IQGAP2: variants seen among roughly 807,000 people sequenced by gnomAD.
IQGAP2 encodes IQ motif containing GTPase activating protein 2, also known as ras GTPase-activating-like protein IQGAP2.
A neutral mutation model predicts 201.3 loss-of-function variants in IQGAP2; 173 were observed. The ratio of observed to expected loss-of-function variants is 0.86; its 90% CI spans 0.76 to 0.98. IQGAP2 has a LOEUF of 0.98. IQGAP2 is among the 50% of genes least tolerant of loss of function. IQGAP2 has a pLI of 0.00. For synonymous variants in IQGAP2, 675 were observed against 673.9 expected, an observed-to-expected ratio of 1.00 and a Z score of -0.03; for missense variants, 1,687 against 1,864.8, an observed-to-expected ratio of 0.90 and a Z score of 1.76.
chr5:76,552,261 A>C (rs1016096684), intron 2 of IQGAP2, among the ~76,000 whole-genome samples: 1 of 152,112 alleles, frequency 6.6e-6, no homozygotes, highest in Admixed American at 6.5e-5. Context: ...CCCCGTCTCT[A>C]TTCCTGGCTT....
chr5:76,464,861 A>G (rs769696542), intron 2 of IQGAP2, among the ~76,000 whole-genome samples: 2 of 152,186 alleles, frequency 1.3e-5, no homozygotes, highest in African/African-American at 2.4e-5. Context: ...AACTGACTCA[A>G]TAAGAGACTT....
intron 4 of IQGAP2, 69 bp downstream of exon 4, chr5:76,570,726 GC>G (rs1170117188): frequency 9.6e-7 from 1 of 1,039,166 alleles, no homozygotes; most frequent in African/African-American, 1.6e-5. Context: ...CTCTTTATGA[GC>G]AATGACTTTG....
intron 22 of IQGAP2, among the ~76,000 whole-genome samples, chr5:76,666,233 A>G (rs1743746554): frequency 1.3e-5 from 2 of 152,320 alleles, no homozygotes; most frequent in East Asian, 3.9e-4. Context: ...GAAAAGGTTA[A>G]CAGTACTTAG....
intron 1 of IQGAP2, among the ~76,000 whole-genome samples, chr5:76,413,782 A>G: frequency 6.6e-6 from 1 of 152,336 alleles, no homozygotes; most frequent in African/African-American, 2.4e-5. Context: ...CTGAGGGTTT[A>G]TAATGCTATC....
At chr5:76,544,791 G>C (rs1405574178) in intron 2 of IQGAP2, among the ~76,000 whole-genome samples, 4 of 152,076 alleles carry the variant, frequency 2.6e-5, no homozygotes, top group Non-Finnish European at 5.9e-5. Flanking sequence ...CCTTCCCAAA[G>C]GTAAACATTA....
intron 16 of IQGAP2, 45 bp downstream of exon 16, chr5:76,637,221 A>G: frequency 6.9e-7 from 1 of 1,453,766 alleles, no homozygotes; most frequent in Non-Finnish European, 9.3e-7. Flanking sequence ...TATAAAGTTA[A>G]ATTTGACTGG....
At position 76,609,105 on chromosome 5, in the gene IQGAP2, A is replaced by G. The variant is rs996470574; in HGVS notation, c.1358-1915A>G. 12 of 1,535,502 alleles carry G rather than the reference A, an allele frequency of 7.8e-6. No individual in the cohort carries two copies. The African/African-American group carries it at 1.5e-4, about 19-fold the overall frequency. On this transcript the variant is annotated intron_variant, in intron 12 of 35. Transcript: ENST00000274364. ...ATTCACTATGACCTCAGCAGCTTGTATTCTTAGAAACGCAGCAGACAGCAA... is the reference window on the plus strand; with the variant it reads ...ATTCACTATGACCTCAGCAGCTTGTGTTCTTAGAAACGCAGCAGACAGCAA...
At chr5:76,601,194 A>G (rs1747406263) in intron 11 of IQGAP2, among the ~76,000 whole-genome samples, 1 of 152,244 alleles carries the variant, frequency 6.6e-6, no homozygotes. Flanking sequence ...CAATTAATAA[A>G]TGACTTTGTC....
chr5:76,522,292 C>T (rs6453229), intron 2 of IQGAP2, among the ~76,000 whole-genome samples: 114,594 of 151,736 alleles, frequency 0.76, 43,701 homozygotes, highest in East Asian at 0.96. Context: ...AACCAATTCT[C>T]CTACCTCAGC....
intron 21 of IQGAP2, among the ~76,000 whole-genome samples, chr5:76,664,598 G>A (rs1368326182): frequency 1.3e-5 from 2 of 152,128 alleles, no homozygotes; most frequent in Non-Finnish European, 2.9e-5. Context: ...CAGTGGAATC[G>A]CTTGAACCTG....
In IQGAP2 at chr5:76,674,496, A is replaced by G; in HGVS notation, c.3314A>G (p.Tyr1105Cys). The G allele has an allele frequency of 6.2e-7, 1 of 1,613,458 alleles. No individual in the cohort carries two copies. The highest frequency in any genetic ancestry group is 8.5e-7 in the Non-Finnish European group (1 of 1,179,394). The change falls in exon 27 of 36, where the codon TAC becomes TGC. Residue 1105 changes from tyrosine to cysteine, a missense_variant. Coordinates refer to ENST00000274364, the MANE Select transcript of IQGAP2 (RefSeq NM_006633.5). ...ELLKIVGNLL[Y>C]YRYMNPAIVA... ...CTCCAGATTGTTGGAAACCTCCTGT[A>G]CTATCGGTACATGAATCCAGCCATT...
chr5:76,539,444 C>A (rs1191051387), intron 2 of IQGAP2, among the ~76,000 whole-genome samples: 1 of 152,210 alleles, frequency 6.6e-6, no homozygotes, highest in Non-Finnish European at 1.5e-5. Flanking sequence ...CGTTCTGCTG[C>A]AGTGCCAGCC....
chr5:76,673,096 G>A (rs1250110052), intron 24 of IQGAP2, among the ~76,000 whole-genome samples: 2 of 151,672 alleles, frequency 1.3e-5, no homozygotes, highest in Non-Finnish European at 2.9e-5. Context: ...AAAAAGAAAA[G>A]AAAATTGGTT....
At chr5:76,528,765 G>T (rs1317018071) in intron 2 of IQGAP2, among the ~76,000 whole-genome samples, 1 of 152,154 alleles carries the variant, frequency 6.6e-6, no homozygotes, top group Non-Finnish European at 1.5e-5. Flanking sequence ...GAAGCCTAGT[G>T]CATGCCATTT....
intron 2 of IQGAP2, among the ~76,000 whole-genome samples, chr5:76,547,809 G>A (rs1457301406): frequency 6.6e-6 from 1 of 152,168 alleles, no homozygotes; most frequent in African/African-American, 2.4e-5. Flanking sequence ...AAGTTCTAGG[G>A]AAGGCAGGTT....
At chr5:76,613,444 T>C (rs542456820) in intron 13 of IQGAP2, among the ~76,000 whole-genome samples, 9 of 152,348 alleles carry the variant, frequency 5.9e-5, no homozygotes, top group African/African-American at 1.2e-4. Flanking sequence ...TATTTTTGCA[T>C]GTATAAAATT....
chr5:76,480,877 C>T (rs753933640), intron 2 of IQGAP2, among the ~76,000 whole-genome samples: 3 of 152,130 alleles, frequency 2.0e-5, no homozygotes, highest in Non-Finnish European at 2.9e-5. Context: ...ATTTGTTTCT[C>T]GCAGTTCTGG....
chr5:76,662,105 G>A, intron 21 of IQGAP2, among the ~76,000 whole-genome samples: 1 of 152,186 alleles, frequency 6.6e-6, no homozygotes, highest in East Asian at 1.9e-4. Context: ...CCATCTTCAA[G>A]CTTCCCAAAG....
intron 25 of IQGAP2, 88 bp from the exon 26 acceptor site, chr5:76,673,864 C>A: frequency 1.2e-6 from 1 of 828,744 alleles, no homozygotes; most frequent in South Asian, 1.5e-5. Flanking sequence ...AACTACTCAG[C>A]TGAAGTTGAC....
Sources: gnomAD v4.1 joint callset for allele counts (sites outside exome capture counted in the v4.1 genomes callset) on GRCh38, gnomAD v4.1.1 for gene constraint, MANE v1.5 for transcripts, NCBI Gene and HGNC (gene_info 2026-07-23, HGNC 2026-07-21) for gene names.